Variants in CNTN3 observed in about 807,000 individuals in gnomAD.
CNTN3 encodes the protein contactin 3.
Under a neutral mutation model 119.1 loss-of-function variants are expected in CNTN3, and 60 were observed. The ratio of observed to expected loss-of-function variants is 0.50; its 90% CI spans 0.41 to 0.62. The LOEUF (loss-of-function observed/expected upper bound fraction) is 0.62. Ranked by LOEUF, CNTN3 falls within the 20% of genes least tolerant of loss-of-function variation. The pLI is 0.00. For synonymous variants in CNTN3, 450 were observed against 438.7 expected (o/e 1.03, Z -0.32); for missense variants, 1,101 against 1,242.4 (o/e 0.89, Z 1.71).
chr3:74,539,585 G>C (rs1183618198), intron 1 of CNTN3, among the ~76,000 whole-genome samples: 1 of 151,498 alleles, frequency 6.6e-6, no homozygotes, highest in Non-Finnish European at 1.5e-5. Context: ...TTTCTTCTGG[G>C]ATGAAAAAAA....
At chr3:74,501,637 C>T (rs550394749) in intron 2 of CNTN3, among the ~76,000 whole-genome samples, 2 of 152,214 alleles carry the variant, frequency 1.3e-5, no homozygotes, top group African/African-American at 4.8e-5. Context: ...AAGCTCACAG[C>T]TCAGCTGACT....
intron 5 of CNTN3, among the ~76,000 whole-genome samples, chr3:74,417,175 T>A (rs1053692257): frequency 2.0e-5 from 3 of 152,108 alleles, no homozygotes; most frequent in African/African-American, 7.2e-5. Context: ...GCACCTATTA[T>A]TGTCATTCTA....
rs140131558 is a variant in CNTN3 at position 74,606,217 on chromosome 3, G to A, written c.-81+8174C>T. ...ATACAGAGAGGCAGATAAAAAGATG[G>A]AGGAAGAAGCAGCAGAGGAAGAAGA... On this transcript the variant is annotated intron_variant, in intron 1 of 22. Coordinates refer to ENST00000263665, the MANE Select transcript of CNTN3 (RefSeq NM_020872.3). 1.0e-3 allele frequency among the ~76,000 whole-genome samples: 159 copies of A among 152,178 alleles called. 1 individual carries two copies. The highest frequency in any genetic ancestry group is 3.6e-3 in the African/African-American group (148 of 41,534).
intron 2 of CNTN3, among the ~76,000 whole-genome samples, chr3:74,520,483 A>G (rs534969564): frequency 1.3e-5 from 2 of 151,624 alleles, no homozygotes; most frequent in South Asian, 2.1e-4. Context: ...AAAATAAAAT[A>G]AAATTAACAA....
intron 1 of CNTN3, among the ~76,000 whole-genome samples, chr3:74,559,115 T>C (rs1704114165): frequency 6.6e-6 from 1 of 152,006 alleles, no homozygotes; most frequent in African/African-American, 2.4e-5. Context: ...ATAATTAATA[T>C]TACTACTAGA....
intron 4 of CNTN3, among the ~76,000 whole-genome samples, chr3:74,485,677 A>C (rs1212869407): frequency 6.6e-6 from 1 of 152,052 alleles, no homozygotes; most frequent in Non-Finnish European, 1.5e-5. Context: ...CTCAGAACCA[A>C]GGTAATCATG....
chr3:74,471,795 A>G (rs960953316), intron 4 of CNTN3, among the ~76,000 whole-genome samples: 4 of 152,206 alleles, frequency 2.6e-5, no homozygotes, highest in Non-Finnish European at 5.9e-5. Context: ...TCGTGGGGAA[A>G]TGGAAAGCTA....
chr3:74,416,865 A>G (rs893771732), intron 5 of CNTN3, among the ~76,000 whole-genome samples: 2 of 151,926 alleles, frequency 1.3e-5, no homozygotes, highest in Non-Finnish European at 2.9e-5. Flanking sequence ...GCGTGTGGCT[A>G]TAGTCCCAGC....
At chr3:74,455,608 G>GT (rs1427875638) in intron 4 of CNTN3, among the ~76,000 whole-genome samples, 1 of 151,996 alleles carries the variant, frequency 6.6e-6, no homozygotes, top group Non-Finnish European at 1.5e-5. Context: ...TTTCTGCTCT[G>GT]TTTTTTCCCC....
intron 1 of CNTN3, among the ~76,000 whole-genome samples, chr3:74,524,292 T>C (rs754844165): frequency 4.6e-5 from 7 of 151,880 alleles, no homozygotes; most frequent in Non-Finnish European, 8.8e-5. Context: ...ATTACAATTC[T>C]AGAGGGAGGT....
intron 5 of CNTN3, among the ~76,000 whole-genome samples, chr3:74,415,054 C>G (rs1022248643): frequency 6.6e-6 from 1 of 152,030 alleles, no homozygotes; most frequent in African/African-American, 2.4e-5. Flanking sequence ...CACTATCTCT[C>G]GAACAGTAGA....
intron 1 of CNTN3, among the ~76,000 whole-genome samples, chr3:74,613,762 T>C (rs1315025844): frequency 6.6e-6 from 1 of 152,136 alleles, no homozygotes; most frequent in East Asian, 1.9e-4. Context: ...TTGGTTAGCT[T>C]TGCAGGCTCC....
At chr3:74,463,651 T>C (rs1234357275) in intron 4 of CNTN3, among the ~76,000 whole-genome samples, 1 of 152,116 alleles carries the variant, frequency 6.6e-6, no homozygotes, top group African/African-American at 2.4e-5. Flanking sequence ...TTTAACACTG[T>C]TCTACCTGGT....
chr3:74,267,464 C>T, intron 20 of CNTN3, 86 bp from the exon 21 acceptor site: 1 of 903,486 alleles, frequency 1.1e-6, no homozygotes, highest in Non-Finnish European at 1.8e-6. Flanking sequence ...TCATAGGAAG[C>T]TAGTGGAAGT....
In CNTN3 at chr3:74,471,038, A is replaced by C. The variant is rs1702552219; in HGVS notation, c.358+15418T>G. ...ACTACAGGCACGTGCCACCACGCCT[A>C]GCTAATTTTTGTATTTTTAGTAGAG... On this transcript the variant is annotated intron_variant, in intron 4 of 22. Transcript: ENST00000263665. 5.9e-5 allele frequency among the ~76,000 whole-genome samples: 9 copies of C among 152,044 alleles called. No homozygotes were observed. The South Asian group carries it at 1.9e-3, about 32-fold the overall frequency.
At chr3:74,507,725 G>T (rs780040096) in intron 2 of CNTN3, among the ~76,000 whole-genome samples, 1 of 149,098 alleles carries the variant, frequency 6.7e-6, no homozygotes, top group East Asian at 2.0e-4. Context: ...TCTGCCTCCC[G>T]GCTTCTAGCA....
intron 4 of CNTN3, among the ~76,000 whole-genome samples, chr3:74,459,771 C>T (rs1341312528): frequency 2.6e-5 from 4 of 151,968 alleles, no homozygotes. Flanking sequence ...AAGGGTATGC[C>T]TTTTATTATT....
At position 74,591,623 on chromosome 3, in the gene CNTN3, AAAG is replaced by A. The variant is rs575110793; in HGVS notation, c.-81+22765_-81+22767del. Reference sequence around the variant, plus strand: ...GCAAGATGGAGCTGAGGAAAAATGCAAAGAAGACTCCATCGAGATAAGTGAGTG... The same window carrying A: ...GCAAGATGGAGCTGAGGAAAAATGCAAAGACTCCATCGAGATAAGTGAGTG... On this transcript the variant is annotated intron_variant, in intron 1 of 22. Transcript: ENST00000263665. Among the ~76,000 whole-genome samples, 348 of 151,968 alleles carry A rather than the reference AAAG, an allele frequency of 2.3e-3. 2 individuals are homozygous for A. Among genetic ancestry groups the A allele is most frequent in the African/African-American group, 8.2e-3 (342 of 41,464 alleles).
chr3:74,428,582 T>C (rs1261330214), intron 4 of CNTN3, among the ~76,000 whole-genome samples: 1 of 152,230 alleles, frequency 6.6e-6, no homozygotes, highest in Non-Finnish European at 1.5e-5. Flanking sequence ...AAGCTAAGTG[T>C]TATTATGGGT....
Sources: allele counts gnomAD v4.1 joint callset (sites outside exome capture counted in the v4.1 genomes callset), GRCh38; gene constraint gnomAD v4.1.1; transcripts MANE v1.5; gene names NCBI Gene and HGNC (gene_info 2026-07-23, HGNC 2026-07-21).